ANKRD26: variants seen among roughly 807,000 people sequenced by gnomAD.
The protein encoded by ANKRD26 is ankyrin repeat domain-containing protein 26.
ANKRD26 carries 141 observed loss-of-function variants against 208.7 expected under a neutral mutation model. That is an observed-to-expected ratio of 0.68 (90% CI 0.59 to 0.78). ANKRD26 has a LOEUF of 0.78. ANKRD26 is among the 30% of genes least tolerant of loss of function. The pLI is 0.00. For missense variants in ANKRD26, 1,889 were observed against 1,938.7 expected, an observed-to-expected ratio of 0.97 and a Z score of 0.48; for synonymous variants, 636 against 660.4, an observed-to-expected ratio of 0.96 and a Z score of 0.57.
chr10:27,013,569 C>T (rs960818371), intron 31 of ANKRD26, among the ~76,000 whole-genome samples: 1 of 152,108 alleles, frequency 6.6e-6, no homozygotes, highest in African/African-American at 2.4e-5. Flanking sequence ...TTGATACATA[C>T]AATTAATAAA....
At chr10:26,956,869 T>C in the ANKRD26 span, among the ~76,000 whole-genome samples, 1 of 152,190 alleles carries the variant, frequency 6.6e-6, no homozygotes, top group Non-Finnish European at 1.5e-5. Flanking sequence ...TTGCATTAGT[T>C]TTTAAAATAG....
At chr10:26,975,424 G>T (rs12775616) in exon 6 of ANKRD26, among the ~76,000 whole-genome samples, 687 of 122,242 alleles carry the variant, frequency 5.6e-3, no homozygotes, top group Middle Eastern at 0.013. Context: ...TTTTTTTGGT[G>T]TAGTTGAGGT....
At chr10:27,023,979 T>TACACACACACACACACACACACAC (rs59987738) in intron 28 of ANKRD26, among the ~76,000 whole-genome samples, 1,476 of 142,170 alleles carry the variant, frequency 0.01, 26 homozygotes, top group Admixed American at 0.02. Flanking sequence ...ATTTTATTAC[T>TACACACACACACACACACACACAC]ACACACACAC....
At chr10:27,006,082 C>T (rs2052866819) in intron 33 of ANKRD26, among the ~76,000 whole-genome samples, 1 of 152,160 alleles carries the variant, frequency 6.6e-6, no homozygotes, top group Non-Finnish European at 1.5e-5. Flanking sequence ...TACAAAGTCA[C>T]AGATATCATG....
intron 25 of ANKRD26, chr10:27,030,657 T>C (rs2053835945): frequency 6.5e-6 from 6 of 926,578 alleles, no homozygotes; most frequent in Non-Finnish European, 7.7e-6. Context: ...AACATGAGCA[T>C]TTGATTGAAT....
chr10:26,963,903 G>GTTTTTTTTTTTTTTTTTTTTTTTTTTTTT, the ANKRD26 span, among the ~76,000 whole-genome samples: 1 of 71,850 alleles, frequency 1.4e-5, no homozygotes, highest in Non-Finnish European at 2.3e-5. Context: ...TGGTTGGTTG[G>GTTTTTTTTTTTTTTTTTTTTTTTTTTTTT]TTTTTTTTTT....
Position 27,034,884 on chromosome 10 carries a change from A to G in ANKRD26, c.3566T>C (p.Leu1189Pro), listed in dbSNP as rs1240482066. 1.2e-6 allele frequency: 2 copies of G among 1,613,614 alleles called. No homozygotes were observed. The highest frequency in any genetic ancestry group is 1.1e-5 in the South Asian group (1 of 90,940). The change falls in exon 24 of 34, where the codon CTA becomes CCA. Residue 1189 changes from leucine to proline, a missense_variant. Leu to Pro is a moderately conservative substitution (Grantham distance 98). This residue lies in a region of ANKRD26 where 613 missense variants were observed against 648.2 expected (regional missense o/e 0.95). Transcript: ENST00000376087. ...QAESEKQSLL[L>P]EERNKELISE... ...GATTAACTCCTTATTTCTTTCTTCTAGCAGAAGACTTTGCTTTTCACTCTC... is the reference window on the plus strand; with the variant it reads ...GATTAACTCCTTATTTCTTTCTTCTGGCAGAAGACTTTGCTTTTCACTCTC...
At chr10:26,990,685 A>C (rs946133496), downstream of ANKRD26, among the ~76,000 whole-genome samples, 11 of 152,230 alleles carry the variant, frequency 7.2e-5, no homozygotes, top group African/African-American at 2.7e-4. Context: ...AAAGACTGAG[A>C]GGAGCAAGAT....
At chr10:27,047,739 A>AATAATAATAATT (rs1356208709) in intron 17 of ANKRD26, among the ~76,000 whole-genome samples, 26 of 49,338 alleles carry the variant, frequency 5.3e-4, no homozygotes, top group African/African-American at 9.8e-4. Context: ...TAATAATAAT[A>AATAATAATAATT]ATTATTATTA....
intron 21 of ANKRD26, among the ~76,000 whole-genome samples, chr10:27,038,889 C>T (rs543291406): frequency 1.3e-5 from 2 of 152,204 alleles, no homozygotes; most frequent in East Asian, 1.9e-4. Context: ...ATTAGGCTAA[C>T]GAGCCTAATA....
chr10:27,028,343 T>C (rs1316021502), intron 27 of ANKRD26, among the ~76,000 whole-genome samples: 1 of 151,946 alleles, frequency 6.6e-6, no homozygotes, highest in Non-Finnish European at 1.5e-5. Context: ...ATACCTGTAA[T>C]CCCAGCACTT....
At chr10:27,076,433 T>C (rs2055701694) in intron 9 of ANKRD26, among the ~76,000 whole-genome samples, 1 of 151,972 alleles carries the variant, frequency 6.6e-6, no homozygotes, top group African/African-American at 2.4e-5. Flanking sequence ...TGGCTAATTT[T>C]TCTGTATTTT....
chr10:27,097,383 C>T (rs757683883), intron 1 of ANKRD26, among the ~76,000 whole-genome samples: 12 of 150,866 alleles, frequency 8.0e-5, no homozygotes, highest in Non-Finnish European at 1.5e-4. Context: ...ATCGCTTGAA[C>T]CCAGGAAGCA....
chr10:27,039,926 C>T (rs1446755617), intron 21 of ANKRD26, 39 bp downstream of exon 21: 1 of 1,569,270 alleles, frequency 6.4e-7, no homozygotes. Flanking sequence ...ATCTTTAGTA[C>T]AAATAGTTAA....
chr10:27,029,465 T>C, intron 25 of ANKRD26, 109 bp from the exon 26 acceptor site: 1 of 1,010,860 alleles, frequency 9.9e-7, no homozygotes, highest in Non-Finnish European at 1.5e-6. Flanking sequence ...ACCCCTTCAA[T>C]ATGCATATTG....
At chr10:27,077,287 G>C in intron 9 of ANKRD26, 51 bp downstream of exon 9, 2 of 1,436,646 alleles carry the variant, frequency 1.4e-6, no homozygotes, top group South Asian at 2.3e-5. Context: ...TATGAGGATT[G>C]TTGGGGCAGG....
chr10:27,079,039 C>T (rs368732491), intron 7 of ANKRD26, 50 bp downstream of exon 7: 43 of 1,505,074 alleles, frequency 2.9e-5, no homozygotes, highest in East Asian at 6.8e-5. Context: ...GAATACTATA[C>T]GAAACTAGAT....
At position 26,979,008 on chromosome 10, in the gene ANKRD26, G is replaced by C. The variant is rs1354366315; in HGVS notation, c.*281+1568C>G. Among the ~76,000 whole-genome samples the C allele has an allele frequency of 1.4e-4, 22 of 152,132 alleles. 1 individual carries two copies. The highest frequency in any genetic ancestry group is 1.4e-3 in the Admixed American group (22 of 15,274). On this transcript the variant is annotated intron_variant and NMD_transcript_variant, in intron 5 of 5. Coordinates refer to the ANKRD26 transcript ENST00000674670. Reference sequence around the variant, plus strand: ...GAGGCCGAGGCGGGCGGATCACGAGGTCAGTAGATCGAGACCATCTTGCCT... The same window carrying C: ...GAGGCCGAGGCGGGCGGATCACGAGCTCAGTAGATCGAGACCATCTTGCCT...
chr10:26,960,666 AT>A, the ANKRD26 span, among the ~76,000 whole-genome samples: 2 of 152,226 alleles, frequency 1.3e-5, no homozygotes, highest in Non-Finnish European at 2.9e-5. Flanking sequence ...TCTTTTGATA[AT>A]CTTTTAAAGG....
Sources: gnomAD v4.1 joint callset for allele counts (sites outside exome capture counted in the v4.1 genomes callset) on GRCh38, gnomAD v4.1.1 for gene constraint, gnomAD v4.1.1 regional missense constraint, MANE v1.5 for transcripts, NCBI Gene and HGNC (gene_info 2026-07-23, HGNC 2026-07-21) for gene names.